The following PIGV variants were observed in gnomAD, a reference collection of about 807,000 sequenced individuals.
PIGV encodes phosphatidylinositol glycan anchor biosynthesis class V, also known as GPI alpha-1,6-mannosyltransferase 2.
Under a neutral mutation model 39.2 loss-of-function variants are expected in PIGV, and 27 were observed. The observed-to-expected ratio is 0.69, with a 90% CI of 0.51 to 0.95. PIGV has a LOEUF of 0.95. Ranked by LOEUF, PIGV falls within the 40% of genes least tolerant of loss-of-function variation. PIGV has a pLI of 0.00. For missense variants in PIGV, 523 were observed against 586.4 expected, an observed-to-expected ratio of 0.89 and a Z score of 1.12; for synonymous variants, 232 against 241.7, an observed-to-expected ratio of 0.96 and a Z score of 0.37.
chr1:26,794,750 C>T lies in PIGV; in HGVS notation c.716C>T (p.Ala239Val), dbSNP rs1364025636. The T allele has an allele frequency of 6.2e-7, 1 of 1,614,194 alleles. No individual in the cohort carries two copies. The highest frequency in any genetic ancestry group is 1.1e-5 in the South Asian group (1 of 91,086). Residue 239 changes from alanine to valine, a missense_variant, in exon 3 of 4, where the codon GCC becomes GTC. Transcript: ENST00000674202. Reference protein sequence around the residue: ...NPLRQLFKLMASLFLSVFTLG... With the variant: ...NPLRQLFKLMVSLFLSVFTLG... ...CTGAGACAGCTCTTTAAGCTGATGGCCTCTCTGTTTCTGTCGGTGTTCACA... is the reference window on the plus strand; with the variant it reads ...CTGAGACAGCTCTTTAAGCTGATGGTCTCTCTGTTTCTGTCGGTGTTCACA...
intron 2 of PIGV, among the ~76,000 whole-genome samples, chr1:26,791,669 CCT>C (rs940600352): frequency 8.5e-5 from 13 of 152,136 alleles, no homozygotes; most frequent in African/African-American, 2.2e-4. Context: ...TGGAAACTTT[CCT>C]CTCTCCTTTC....
In PIGV at chr1:26,799,079, T is replaced by G. The variant is rs888748948; in HGVS notation, c.*1235T>G. Among the ~76,000 whole-genome samples the G allele has an allele frequency of 1.8e-4, 28 of 152,344 alleles. No homozygotes were observed. The highest frequency in any genetic ancestry group is 6.5e-4 in the African/African-American group (27 of 41,574). ...AAATGTGTGATTTTAGGAGAAAATA[T>G]CCAGTTCTCCTGTTTTCAGCAATTA... is the stretch of plus-strand genomic sequence containing the variant. On this transcript the variant is annotated 3_prime_UTR_variant, in exon 4 of 4. Coordinates refer to ENST00000674202, the MANE Select transcript of PIGV (RefSeq NM_017837.4).
At position 26,797,672 on chromosome 1, in the gene PIGV, A is replaced by G. The variant is rs763168434; in HGVS notation, c.1310A>G (p.Lys437Arg). ...AGATCCTTAAAGACTGTGCCTTGGA[A>G]GCCTCTTGCAGAGGACTCCCCACCA... ...LLRSLKTVPW[K>R]PLAEDSPPGQ... Residue 437 changes from lysine (K) to arginine (R), a missense_variant, in exon 4 of 4, where the codon AAG becomes AGG. Lys to Arg is a conservative substitution (Grantham distance 26). Coordinates refer to ENST00000674202, the MANE Select transcript of PIGV (RefSeq NM_017837.4). 1.2e-6 allele frequency: 2 copies of G among 1,614,116 alleles called. No individual in the cohort carries two copies. Among genetic ancestry groups the G allele is most frequent in the Admixed American group, 1.7e-5 (1 of 60,016 alleles).
rs1234068522 is a variant in PIGV, at chr1:26,790,852, A to G, written c.37A>G (p.Arg13Gly). 1.2e-6 allele frequency: 2 copies of G among 1,614,096 alleles called. No individual in the cohort carries two copies. Among genetic ancestry groups the G allele is most frequent in the Non-Finnish European group, 1.7e-6 (2 of 1,180,010 alleles). Residue 13 changes from arginine to glycine, a missense_variant, in exon 2 of 4, where the codon AGG (arginine) becomes GGG (glycine). Physicochemically the swap from Arg to Gly is moderately radical, Grantham distance 125. Coordinates refer to ENST00000674202, the MANE Select transcript of PIGV (RefSeq NM_017837.4). ...GGACCCATCCCGGAAGGAGGTGCTGAGGTTTGCAGTCAGCTGCCGTATCCT... is the reference window on the plus strand; with the variant it reads ...GGACCCATCCCGGAAGGAGGTGCTGGGGTTTGCAGTCAGCTGCCGTATCCT... ...PQDPSRKEVL[R>G]FAVSCRILTL...
upstream of PIGV, chr1:26,787,853 C>T (rs1570630108): frequency 6.6e-6 from 1 of 152,306 alleles, no homozygotes; most frequent in Admixed American, 6.5e-5. Context: ...ACCCCCATCC[C>T]GCTCGCCCGG....
At chr1:26,791,082 C>T (rs780363540) in intron 2 of PIGV, among the ~76,000 whole-genome samples, 189 bp downstream of exon 2, 23 of 152,184 alleles carry the variant, frequency 1.5e-4, no homozygotes, top group Non-Finnish European at 3.2e-4. Context: ...TCTTGTTTTA[C>T]CCATGAAGCA....
At chr1:26,797,105 G>A (rs894544870) in intron 3 of PIGV, among the ~76,000 whole-genome samples, 4 of 152,196 alleles carry the variant, frequency 2.6e-5, no homozygotes, top group African/African-American at 7.2e-5. Context: ...GGTTAGCTGA[G>A]GGAGGCCATT....
In PIGV at chr1:26,797,575, T is replaced by A. The variant is rs1057515509; in HGVS notation, c.1213T>A (p.Phe405Ile). ...TCATGATTTCTAGGTTCTCACCAGGTTTTTGGGCTCCTCCACTCCTATTAT... is the reference window on the plus strand; with the variant it reads ...TCATGATTTCTAGGTTCTCACCAGGATTTTGGGCTCCTCCACTCCTATTAT... ...LCMHVQVLTR[F>I]LGSSTPIMYW... The change falls in exon 4 of 4, where the codon TTT (phenylalanine) becomes ATT (isoleucine). Residue 405 changes from phenylalanine (F) to isoleucine (I), a missense_variant. Phe to Ile is a conservative substitution (Grantham distance 21). Transcript: ENST00000674202. The A allele has an allele frequency of 5.6e-6, 9 of 1,613,136 alleles. No homozygotes were observed. The East Asian group carries it at 2.0e-4, about 36-fold the overall frequency.
At chr1:26,793,003 C>T (rs2081331929) in intron 2 of PIGV, among the ~76,000 whole-genome samples, 1 of 152,200 alleles carries the variant, frequency 6.6e-6, no homozygotes, top group Non-Finnish European at 1.5e-5. Flanking sequence ...CTTCCATATG[C>T]GCCCATCACA....
Position 26,799,986 on chromosome 1 carries a change from G to T in PIGV, c.*2142G>T, listed in dbSNP as rs910186288. Reference sequence around the variant, plus strand: ...TTCGCTCTCCTCTTTGCCTCCTTTTGGGGGATAATCAGGACTGATTATTCC... The same window carrying T: ...TTCGCTCTCCTCTTTGCCTCCTTTTTGGGGATAATCAGGACTGATTATTCC... On this transcript the variant is annotated 3_prime_UTR_variant, in exon 4 of 4. Transcript: ENST00000674202. 1.3e-5 allele frequency among the ~76,000 whole-genome samples: 2 copies of T among 152,128 alleles called. No individual in the cohort carries two copies. Among genetic ancestry groups the T allele is most frequent in the Non-Finnish European group, 2.9e-5 (2 of 68,018 alleles).
chr1:26,790,119 G>T lies in PIGV; in HGVS notation c.-57-640G>T, dbSNP rs554859635. ...GAGCTGGCTGAGGTCCTGCTGAGTGGTGGTTTTCTTTTCCTTCCCCACTTA... is the reference window on the plus strand; with the variant it reads ...GAGCTGGCTGAGGTCCTGCTGAGTGTTGGTTTTCTTTTCCTTCCCCACTTA... On this transcript the variant is annotated intron_variant, in intron 1 of 3. Transcript: ENST00000674202. Among the ~76,000 whole-genome samples the T allele has an allele frequency of 2.6e-5, 4 of 152,314 alleles. No homozygotes were observed. The South Asian group carries it at 6.2e-4, about 24-fold the overall frequency.
chr1:26,790,903 C>T lies in PIGV; in HGVS notation c.78+10C>T, dbSNP rs1409064500. On this transcript the variant is annotated intron_variant, in intron 2 of 3. Transcript: ENST00000674202. ...GACTCTGATGCTGCAGGTCAGTCTCCCATCCTTTGTCCTGAATGTGCTATT... is the reference window on the plus strand; with the variant it reads ...GACTCTGATGCTGCAGGTCAGTCTCTCATCCTTTGTCCTGAATGTGCTATT... The T allele has an allele frequency of 6.2e-7, 1 of 1,610,344 alleles. No homozygotes were observed. Among genetic ancestry groups the T allele is most frequent in the Non-Finnish European group, 8.5e-7 (1 of 1,176,630 alleles).
intron 2 of PIGV, among the ~76,000 whole-genome samples, chr1:26,793,757 C>T (rs749002392): frequency 3.0e-4 from 46 of 152,002 alleles, no homozygotes; most frequent in Non-Finnish European, 5.6e-4. Flanking sequence ...CATGTGCCAC[C>T]ACACCCAGCT....
In PIGV at chr1:26,794,683, C is replaced by T. The variant is rs779441883; in HGVS notation, c.649C>T (p.Gln217Ter). 2 of 1,614,206 alleles carry T rather than the reference C, an allele frequency of 1.2e-6. No homozygotes were observed. The highest frequency in any genetic ancestry group is 1.7e-6 in the Non-Finnish European group (2 of 1,180,036). Residue 217 changes from glutamine (Q) to a stop codon, truncating the protein, a stop_gained, in exon 3 of 4, where the codon CAA (glutamine) becomes TAA (stop). Coordinates refer to ENST00000674202, the MANE Select transcript of PIGV (RefSeq NM_017837.4). LOFTEE classifies it high-confidence loss of function. Reference sequence around the variant, plus strand: ...CAGTGTTGGCTTCCTCATGCATTCTCAATGCCAAGGCTTTTTCTCTTCTCT... The same window carrying T: ...CAGTGTTGGCTTCCTCATGCATTCTTAATGCCAAGGCTTTTTCTCTTCTCT... The part of the protein sequence containing the change: ...LVSVGFLMHS[Q>*]CQGFFSSLTM...
In PIGV at chr1:26,794,953, A is replaced by G. The variant is rs1226460671; in HGVS notation, c.919A>G (p.Ile307Val). 4 of 1,613,962 alleles carry G rather than the reference A, an allele frequency of 2.5e-6. No homozygotes were observed. Among genetic ancestry groups the G allele is most frequent in the African/African-American group, 1.3e-5 (1 of 74,908 alleles). ...GGATGTTCCACTAATATACAGCTAT[A>G]TCCAGGATGTCTACTGGAATGTTGG... ...FWDVPLIYSY[I>V]QDVYWNVGFL... Residue 307 changes from isoleucine to valine, a missense_variant, in exon 3 of 4, where the codon ATC becomes GTC. Coordinates refer to ENST00000674202, the MANE Select transcript of PIGV (RefSeq NM_017837.4).
At chr1:26,787,516 G>C (rs558051732), upstream of PIGV, 4 of 152,438 alleles carry the variant, frequency 2.6e-5, no homozygotes, top group South Asian at 8.3e-4. Flanking sequence ...GAAACCCCAA[G>C]AATGTTTTTC....
rs1297761539 is a variant in PIGV at position 26,798,694 on chromosome 1, G to A, written c.*850G>A. On this transcript the variant is annotated 3_prime_UTR_variant, in exon 4 of 4. Transcript: ENST00000674202. ...TGCGCTCCAGCCTGGGCAACAGAGTGAGGCTCTGTCTCAAAAAAAGTAAAA... is the reference window on the plus strand; with the variant it reads ...TGCGCTCCAGCCTGGGCAACAGAGTAAGGCTCTGTCTCAAAAAAAGTAAAA... Among the ~76,000 whole-genome samples, 3 of 152,266 alleles carry A rather than the reference G, an allele frequency of 2.0e-5. No homozygotes were observed. Among genetic ancestry groups the A allele is most frequent in the East Asian group, 1.9e-4 (1 of 5,206 alleles).
rs763683136 is a variant in PIGV, at chr1:26,794,671, C to G, written c.637C>G (p.Leu213Val). The G allele has an allele frequency of 2.5e-6, 4 of 1,614,214 alleles. No homozygotes were observed. In the East Asian group the frequency reaches 8.9e-5, roughly 36 times the overall value. ...CAACGGGCTGGTCAGTGTTGGCTTC[C>G]TCATGCATTCTCAATGCCAAGGCTT... ...RSNGLVSVGF[L>V]MHSQCQGFFS... The change falls in exon 3 of 4, where the codon CTC (leucine) becomes GTC (valine). Residue 213 changes from leucine to valine, a missense_variant. Physicochemically the swap from Leu to Val is conservative, Grantham distance 32. Transcript: ENST00000674202.
At chr1:26,791,028 A>G in intron 2 of PIGV, 135 bp downstream of exon 2, 1 of 710,408 alleles carries the variant, frequency 1.4e-6, no homozygotes. Context: ...CATAGACTTT[A>G]GAGCTGAAAA....
Sources: gnomAD v4.1 joint callset for allele counts (sites outside exome capture counted in the v4.1 genomes callset) on GRCh38, gnomAD v4.1.1 for gene constraint, MANE v1.5 for transcripts, NCBI Gene and HGNC (gene_info 2026-07-23, HGNC 2026-07-21) for gene names.